RFTN1: variants seen among roughly 807,000 people sequenced by gnomAD.
RFTN1 encodes the protein raftlin, lipid raft linker 1, also known as raftlin.
A neutral mutation model predicts 46.5 loss-of-function variants in RFTN1; 26 were observed. The observed-to-expected ratio is 0.56, with a 90% confidence interval of 0.41 to 0.78. RFTN1 has a LOEUF of 0.78. Among genes scored for constraint, RFTN1 ranks in the 30% least tolerant of loss-of-function variants. The pLI is 0.00. For missense variants in RFTN1, 693 were observed against 718.7 expected (o/e 0.96, Z 0.41); for synonymous variants, 261 against 284.2 (o/e 0.92, Z 0.82).
chr3:16,427,181 A>G lies in RFTN1; in HGVS notation c.332+6670T>C, dbSNP rs2075304214. ...GAGGCTAAAAGAGAAGTTTTCACATAAAAATCCAGATTTCTGGCTTTTCTT... is the reference window on the plus strand; with the variant it reads ...GAGGCTAAAAGAGAAGTTTTCACATGAAAATCCAGATTTCTGGCTTTTCTT... On this transcript the variant is annotated intron_variant, in intron 3 of 9. Transcript: ENST00000334133. The surrounding 1 kb of genome is among the most constrained non-coding windows in gnomAD (Gnocchi z 5.4). Among the ~76,000 whole-genome samples, 1 of 152,224 alleles carries G rather than the reference A, an allele frequency of 6.6e-6. No homozygotes were observed. The highest frequency in any genetic ancestry group is 1.5e-5 in the Non-Finnish European group (1 of 68,040).
intron 3 of RFTN1, among the ~76,000 whole-genome samples, chr3:16,432,935 A>T (rs2075421895): frequency 6.6e-6 from 1 of 152,198 alleles, no homozygotes; most frequent in Admixed American, 6.5e-5. Flanking sequence ...CTCATGCCTC[A>T]CAGCTGTCCC....
chr3:16,439,305 T>A (rs531104611), intron 2 of RFTN1, among the ~76,000 whole-genome samples: 3 of 152,334 alleles, frequency 2.0e-5, no homozygotes, highest in South Asian at 4.1e-4. Flanking sequence ...TTTCTCCACT[T>A]GGATGGACAT....
rs2075833186 is a variant in RFTN1, at chr3:16,452,281, AT to A, written c.146-18245del. Among the ~76,000 whole-genome samples, 1 of 152,198 alleles carries A rather than the reference AT, an allele frequency of 6.6e-6. No individual in the cohort carries two copies. Among genetic ancestry groups the A allele is most frequent in the African/African-American group, 2.4e-5 (1 of 41,442 alleles). The stretch of plus-strand genomic sequence containing the variant: ...GATTCTAAAGAAAACTAAAAAAAAA[AT>A]AATAGCTGTCAAGGTAGATGAAGGT... On this transcript the variant is annotated intron_variant, in intron 2 of 9. Coordinates refer to ENST00000334133, the MANE Select transcript of RFTN1 (RefSeq NM_015150.2). This position sits in a 1 kb window ranked among gnomAD's most constrained non-coding sequence, Gnocchi z 6.3.
chr3:16,493,754 C>T lies in RFTN1; in HGVS notation c.116G>A (p.Arg39His), dbSNP rs528808321. ...ACTCAGAGTCGTGAACTCCAGGAAG[C>T]GGTATTCATAGGACACATCTATCTT... ...ETKIDVSYEY[R>H]FLEFTTLSAA... The change falls in exon 2 of 10, where the codon CGC (arginine) becomes CAC (histidine). Residue 39 changes from arginine to histidine, a missense_variant. By Grantham distance (29) the Arg-to-His change is conservative. Transcript: ENST00000334133. 20 of 1,613,566 alleles carry T rather than the reference C, an allele frequency of 1.2e-5. No homozygotes were observed. Among genetic ancestry groups the T allele is most frequent in the Admixed American group, 3.3e-5 (2 of 59,918 alleles).
chr3:16,431,031 C>T (rs998404484), intron 3 of RFTN1, among the ~76,000 whole-genome samples: 3 of 152,136 alleles, frequency 2.0e-5, no homozygotes, highest in Non-Finnish European at 4.4e-5. Flanking sequence ...CCATCTTGTC[C>T]CATCAGATAA....
intron 4 of RFTN1, among the ~76,000 whole-genome samples, chr3:16,388,967 T>C (rs991106206): frequency 6.6e-6 from 1 of 152,224 alleles, no homozygotes; most frequent in Non-Finnish European, 1.5e-5. Context: ...TTTAGAGTCT[T>C]CATTGAACTC....
At chr3:16,505,238 T>G (rs1236981573) in intron 1 of RFTN1, among the ~76,000 whole-genome samples, 3 of 152,136 alleles carry the variant, frequency 2.0e-5, no homozygotes, top group Non-Finnish European at 2.9e-5. Flanking sequence ...CTCCCTCCTT[T>G]CCAGTCCTAC....
At chr3:16,430,468 C>CA (rs113135376) in intron 3 of RFTN1, among the ~76,000 whole-genome samples, 81 of 151,670 alleles carry the variant, frequency 5.3e-4, no homozygotes, top group South Asian at 1.7e-3. Context: ...CCCCATAATA[C>CA]AAAAAAAATG....
At chr3:16,412,784 G>A (rs1284285581) in intron 3 of RFTN1, among the ~76,000 whole-genome samples, 1 of 152,232 alleles carries the variant, frequency 6.6e-6, no homozygotes, top group African/African-American at 2.4e-5. Context: ...CTTTGAAGAA[G>A]AAAGCTTCAG....
At chr3:16,493,275 A>G (rs2076570734) in intron 2 of RFTN1, among the ~76,000 whole-genome samples, 1 of 149,868 alleles carries the variant, frequency 6.7e-6, no homozygotes, top group South Asian at 2.1e-4. Context: ...TCTCTCGCCC[A>G]GGCTGGAGTG....
At chr3:16,502,234 A>T (rs1045217440) in intron 1 of RFTN1, among the ~76,000 whole-genome samples, 1 of 152,062 alleles carries the variant, frequency 6.6e-6, no homozygotes, top group African/African-American at 2.4e-5. Context: ...TTAGCTGGAC[A>T]TGGCAGGTCC....
intron 3 of RFTN1, among the ~76,000 whole-genome samples, chr3:16,412,146 G>A (rs1398555384): frequency 6.6e-6 from 1 of 152,200 alleles, no homozygotes; most frequent in African/African-American, 2.4e-5. Context: ...ATGAACCATG[G>A]AAAATTACAT....
intron 9 of RFTN1, 49 bp downstream of exon 9, chr3:16,323,327 G>A: frequency 1.5e-6 from 2 of 1,370,068 alleles, no homozygotes; most frequent in South Asian, 2.3e-5. Flanking sequence ...ATCCACTGAA[G>A]ATGAAGCCCT....
At chr3:16,461,255 A>G (rs1178749627) in intron 2 of RFTN1, among the ~76,000 whole-genome samples, 1 of 148,906 alleles carries the variant, frequency 6.7e-6, no homozygotes, top group Non-Finnish European at 1.5e-5. Context: ...GGGGCTCAAT[A>G]AAAAAAAACA....
At position 16,348,558 on chromosome 3, in the gene RFTN1, C is replaced by T. The variant is rs1305773996; in HGVS notation, c.1146+9374G>A. On this transcript the variant is annotated intron_variant, in intron 7 of 9. Transcript: ENST00000334133. This position sits in a 1 kb window ranked among gnomAD's most constrained non-coding sequence, Gnocchi z 6.3. The stretch of plus-strand genomic sequence containing the variant: ...TCTCTCCCAGGGCACTTCTGGTCAG[C>T]AGGGCACAATTAGCCTTGAATGCCT... 6.6e-6 allele frequency among the ~76,000 whole-genome samples: 1 copy of T among 152,114 alleles called. No individual in the cohort carries two copies. Among genetic ancestry groups the T allele is most frequent in the African/African-American group, 2.4e-5 (1 of 41,410 alleles).
chr3:16,409,024 C>A (rs1032206237), intron 4 of RFTN1, among the ~76,000 whole-genome samples: 8 of 152,130 alleles, frequency 5.3e-5, no homozygotes, highest in Admixed American at 3.9e-4. Context: ...AGGGGGCTTG[C>A]GGCAATGAAG....
chr3:16,318,940 C>G (rs540576758), intron 9 of RFTN1, among the ~76,000 whole-genome samples: 7 of 152,142 alleles, frequency 4.6e-5, no homozygotes, highest in African/African-American at 1.2e-4. Context: ...CTACTTAAGC[C>G]GAGCCTGCCA....
chr3:16,349,306 A>G (rs1321996193), intron 7 of RFTN1: 1 of 152,294 alleles, frequency 6.6e-6, no homozygotes, highest in African/African-American at 2.4e-5. Context: ...TCACCCTAAG[A>G]TAAAAGTTGG....
rs1028810435 is a variant in RFTN1, at chr3:16,370,541, G to C, written c.827-262C>G. ...TTAATCTGGAATATAATGAATAGCT[G>C]TTATCTGCGATTAATAGGCACAGCT... On this transcript the variant is annotated intron_variant, in intron 5 of 9. Transcript: ENST00000334133. The surrounding 1 kb of genome is among the most constrained non-coding windows in gnomAD (Gnocchi z 5.5). 6.6e-6 allele frequency among the ~76,000 whole-genome samples: 1 copy of C among 152,182 alleles called. No individual in the cohort carries two copies. The highest frequency in any genetic ancestry group is 1.5e-5 in the Non-Finnish European group (1 of 68,038).
Sources: allele counts gnomAD v4.1 joint callset (sites outside exome capture counted in the v4.1 genomes callset), GRCh38; gene constraint gnomAD v4.1.1; non-coding constraint Gnocchi (gnomAD v3.1); transcripts MANE v1.5; gene names NCBI Gene and HGNC (gene_info 2026-07-23, HGNC 2026-07-21).